ZNF707: variants seen among roughly 807,000 people sequenced by gnomAD.
The protein encoded by ZNF707 is zinc finger protein 707.
In ZNF707, 8 loss-of-function variants were observed where a neutral mutation model predicts 13.3. The ratio of observed to expected loss-of-function variants is 0.60; its 90% CI spans 0.35 to 1.09. The LOEUF is 1.09. Ranked by LOEUF, ZNF707 falls within the 50% of genes least tolerant of loss-of-function variation. The pLI is 0.02. For missense variants in ZNF707, 530 were observed against 512.6 expected (o/e 1.03, Z -0.33); for synonymous variants, 225 against 205.6 (o/e 1.09, Z -0.81).
In ZNF707 at chr8:143,694,173, C is replaced by G; in HGVS notation, c.759C>G (p.Val253=). ...LKDRLAQHRK[V]HTEHRPYSCG... is the part of the protein sequence containing the mutation. ...ACCGCCTGGCTCAGCACCGCAAGGT[C>G]CACACCGAGCACAGGCCCTACTCGT... is the stretch of plus-strand genomic sequence containing the variant. Residue 253 remains valine, a synonymous_variant, in exon 6 of 6, where the codon GTC becomes GTG. Transcript: ENST00000358656. This position sits in a 1 kb window ranked among gnomAD's most constrained non-coding sequence, Gnocchi z 4.4. 1 of 1,577,158 alleles carries G rather than the reference C, an allele frequency of 6.3e-7. No individual in the cohort carries two copies. The highest frequency in any genetic ancestry group is 8.6e-7 in the Non-Finnish European group (1 of 1,161,028).
chr8:143,690,118 G>A lies in ZNF707; in HGVS notation c.10G>A (p.Ala4Thr), dbSNP rs1554613115. 1 of 1,607,096 alleles carries A rather than the reference G, an allele frequency of 6.2e-7. No individual in the cohort carries two copies. Among genetic ancestry groups the A allele is most frequent in the Non-Finnish European group, 8.5e-7 (1 of 1,179,778 alleles). ...TGGCCTCGCTGTTCCCATGGACATG[G>A]CCCAGGTGAGCCCTGCTGCTGCCGA... MDM[A>T]QEPVTFRDVA... is the part of the protein sequence containing the mutation. The change falls in exon 3 of 6, where the codon GCC becomes ACC. Residue 4 changes from alanine (A) to threonine (T), a missense_variant. Coordinates refer to ENST00000358656, the MANE Select transcript of ZNF707 (RefSeq NM_001100598.2).
chr8:143,690,254 C>T lies in ZNF707; in HGVS notation c.15+131C>T, dbSNP rs1587385189. 3 of 1,248,436 alleles carry T rather than the reference C, an allele frequency of 2.4e-6. No individual in the cohort carries two copies. In the East Asian group the frequency reaches 7.3e-5, roughly 30 times the overall value. The allele number at this position is 1,248,436 out of a possible 1,614,324, so 77.3% of individuals were successfully genotyped here. On this transcript the variant is annotated intron_variant, in intron 3 of 5. Transcript: ENST00000358656. ...GTGCCCGTGTCTGCCTTTCTGCCTTCTCTCTTAAGGGGTGGGGAAAGAAAA... is the reference window on the plus strand; with the variant it reads ...GTGCCCGTGTCTGCCTTTCTGCCTTTTCTCTTAAGGGGTGGGGAAAGAAAA...
Position 143,691,138 on chromosome 8 carries a change from C to T in ZNF707, c.81C>T (p.Pro27=). 1.2e-6 allele frequency: 2 copies of T among 1,613,894 alleles called. No individual in the cohort carries two copies. Among genetic ancestry groups the T allele is most frequent in the Middle Eastern group, 1.6e-4 (1 of 6,062 alleles). ...FSREEWACLE[P]SQRALYRDVM... Reference sequence around the variant, plus strand: ...GGGAGGAGTGGGCGTGTCTGGAACCCAGCCAGAGGGCCCTCTACCGGGACG... The same window carrying T: ...GGGAGGAGTGGGCGTGTCTGGAACCTAGCCAGAGGGCCCTCTACCGGGACG... The change falls in exon 4 of 6, where the codon CCC becomes CCT. Residue 27 remains proline, a synonymous_variant. Coordinates refer to ENST00000358656, the MANE Select transcript of ZNF707 (RefSeq NM_001100598.2).
rs782061299 is a variant in ZNF707, at chr8:143,694,031, G to C, written c.617G>C (p.Cys206Ser). The change falls in exon 6 of 6, where the codon TGC becomes TCC. Residue 206 changes from cysteine to serine, a missense_variant. Transcript: ENST00000358656. This position sits in a 1 kb window ranked among gnomAD's most constrained non-coding sequence, Gnocchi z 4.4. ...CACACGGGAACCAAGGCCTTCGAGT[G>C]CCCCGAGTGCGGCCAGACCTTCCGG... ...TVHTGTKAFE[C>S]PECGQTFRWA... 1.9e-6 allele frequency: 3 copies of C among 1,606,110 alleles called. No individual in the cohort carries two copies. The highest frequency in any genetic ancestry group is 2.5e-6 in the Non-Finnish European group (3 of 1,177,484).
In ZNF707 at chr8:143,694,896, C is replaced by A; in HGVS notation, c.*366C>A. The A allele has an allele frequency of 4.3e-6, 1 of 232,538 alleles. No individual in the cohort carries two copies. Among genetic ancestry groups the A allele is most frequent in the Non-Finnish European group, 8.4e-6 (1 of 119,276 alleles). 14.4% of individuals were successfully genotyped at this position (232,538 alleles called of 1,614,324 possible). ...TCTGGCTCAGGGACTCCACCCTGGC[C>A]CCGAGTCGCCGTCTGCTGGGCCTTT... On this transcript the variant is annotated 3_prime_UTR_variant, in exon 6 of 6. Transcript: ENST00000358656. The surrounding 1 kb of genome is among the most constrained non-coding windows in gnomAD (Gnocchi z 4.4).
intron 3 of ZNF707, among the ~76,000 whole-genome samples, chr8:143,690,693 T>A (rs1162261733): frequency 6.6e-6 from 1 of 152,238 alleles, no homozygotes; most frequent in African/African-American, 2.4e-5. Flanking sequence ...GTGGGTGGTT[T>A]ACACACATGC....
In ZNF707 at chr8:143,694,242, C is replaced by G. The variant is rs1772658441; in HGVS notation, c.828C>G (p.Leu276=). 2 of 1,589,994 alleles carry G rather than the reference C, an allele frequency of 1.3e-6. No individual in the cohort carries two copies. The highest frequency in any genetic ancestry group is 1.7e-5 in the Admixed American group (1 of 57,752). ...CCTTCAAGCAGAAGTCCAACCTTCT[C>G]AGACACCAGCTGGTGCACACCGGGG... ...GKAFKQKSNL[L]RHQLVHTGER... Residue 276 remains leucine (L), a synonymous_variant, in exon 6 of 6, where the codon CTC becomes CTG. Transcript: ENST00000358656. This position sits in a 1 kb window ranked among gnomAD's most constrained non-coding sequence, Gnocchi z 4.4.
At position 143,693,038 on chromosome 8, in the gene ZNF707, T is replaced by C. The variant is rs1816977937; in HGVS notation, c.257-633T>C. Among the ~76,000 whole-genome samples, 1 of 152,030 alleles carries C rather than the reference T, an allele frequency of 6.6e-6. No individual in the cohort carries two copies. Among genetic ancestry groups the C allele is most frequent in the Admixed American group, 6.5e-5 (1 of 15,274 alleles). Reference sequence around the variant, plus strand: ...TGGCGTGGACAGGGTGAAAGGACATTCTCTTGGCCCAGTTGCTTCTGTTGG... The same window carrying C: ...TGGCGTGGACAGGGTGAAAGGACATCCTCTTGGCCCAGTTGCTTCTGTTGG... On this transcript the variant is annotated intron_variant, in intron 5 of 5. Coordinates refer to ENST00000358656, the MANE Select transcript of ZNF707 (RefSeq NM_001100598.2). The surrounding 1 kb of genome is among the most constrained non-coding windows in gnomAD (Gnocchi z 4.1).
chr8:143,691,464 C>G, intron 4 of ZNF707, 136 bp from the exon 5 acceptor site: 2 of 1,090,296 alleles, frequency 1.8e-6, no homozygotes, highest in Admixed American at 5.5e-5. Flanking sequence ...CCTGTCATCT[C>G]TGCTTTGGGG....
rs369906843 is a variant in ZNF707, at chr8:143,694,508, C to T, written c.1094C>T (p.Thr365Ile). The change falls in exon 6 of 6, where the codon ACT becomes ATT. Residue 365 changes from threonine (T) to isoleucine (I), a missense_variant. Physicochemically the swap from Thr to Ile is moderately conservative, Grantham distance 89. Transcript: ENST00000358656. This position sits in a 1 kb window ranked among gnomAD's most constrained non-coding sequence, Gnocchi z 4.4. ...HLGFFTRHQR[T>I]HRHGEV ...GGGTTCTTCACGCGGCATCAGAGGACTCACAGGCACGGGGAGGTGTAGGGG... is the reference window on the plus strand; with the variant it reads ...GGGTTCTTCACGCGGCATCAGAGGATTCACAGGCACGGGGAGGTGTAGGGG... The T allele has an allele frequency of 4.4e-6, 7 of 1,604,610 alleles. No homozygotes were observed. In the African/African-American group the frequency reaches 8.0e-5, roughly 18 times the overall value.
intron 1 of ZNF707, chr8:143,687,562 C>G (rs1816403891): frequency 6.6e-6 from 1 of 152,184 alleles, no homozygotes; most frequent in Non-Finnish European, 1.5e-5. Flanking sequence ...TCTCAAACTC[C>G]CCACCTCAGG....
intron 5 of ZNF707, among the ~76,000 whole-genome samples, chr8:143,692,680 C>G (rs1298688637): frequency 2.0e-5 from 1 of 49,620 alleles, no homozygotes; most frequent in Non-Finnish European, 3.9e-5. Flanking sequence ...GGAGGTGTCG[C>G]ATCCCCGGGT....
chr8:143,690,296 G>C lies in ZNF707; in HGVS notation c.15+173G>C, dbSNP rs572140415. The C allele has an allele frequency of 1.9e-5, 14 of 755,948 alleles. No homozygotes were observed. In the East Asian group the frequency reaches 3.9e-4, roughly 21 times the overall value. 46.8% of individuals were successfully genotyped at this position (755,948 alleles called of 1,614,324 possible). ...GAAAGAAAAAGAAAATTGGGGCCAG[G>C]CGCAATGCCTCACGCCTGTAATCCT... On this transcript the variant is annotated intron_variant, in intron 3 of 5. Transcript: ENST00000358656.
rs1434848996 is a variant in ZNF707, at chr8:143,689,566, G to A, written c.-53+265G>A. Among the ~76,000 whole-genome samples, 4 of 152,178 alleles carry A rather than the reference G, an allele frequency of 2.6e-5. No homozygotes were observed. In the East Asian group the frequency reaches 7.7e-4, roughly 29 times the overall value. Reference sequence around the variant, plus strand: ...CAGTGAACATTATTGGGGTTTCTCGGGGCTGCACCAGGTTTTCACTTGGGG... The same window carrying A: ...CAGTGAACATTATTGGGGTTTCTCGAGGCTGCACCAGGTTTTCACTTGGGG... On this transcript the variant is annotated intron_variant, in intron 2 of 5. Coordinates refer to ENST00000358656, the MANE Select transcript of ZNF707 (RefSeq NM_001100598.2).
chr8:143,688,292 G>A (rs555557384), intron 1 of ZNF707, among the ~76,000 whole-genome samples: 126 of 152,302 alleles, frequency 8.3e-4, no homozygotes, highest in African/African-American at 2.4e-3. Flanking sequence ...AAGTTGAAAA[G>A]CATATTCATG....
chr8:143,690,073 A>G lies in ZNF707; in HGVS notation c.-36A>G. ...TCTCCCCAGATCTGCCCTCCTTGGC[A>G]CTGTGCTTCCCCAGAGGGGTGGCCT... On this transcript the variant is annotated 5_prime_UTR_variant, in exon 3 of 6. Coordinates refer to ENST00000358656, the MANE Select transcript of ZNF707 (RefSeq NM_001100598.2). 4 of 1,609,214 alleles carry G rather than the reference A, an allele frequency of 2.5e-6. No individual in the cohort carries two copies. Among genetic ancestry groups the G allele is most frequent in the South Asian group, 2.2e-5 (2 of 91,066 alleles).
rs782327755 is a variant in ZNF707, at chr8:143,691,659, G to A, written c.202G>A (p.Val68Ile). Residue 68 changes from valine (V) to isoleucine (I), a missense_variant, in exon 5 of 6, where the codon GTT becomes ATT. By Grantham distance (29) the Val-to-Ile change is conservative. Coordinates refer to ENST00000358656, the MANE Select transcript of ZNF707 (RefSeq NM_001100598.2). ...CCTGGAACAGTGGGAGGAGCCGTGG[G>A]TTGAAGACCGGGAGAGACCTGAGTT... ...SRLEQWEEPWVEDRERPEFQA... is the reference protein window; with the variant it reads ...SRLEQWEEPWIEDRERPEFQA... 7 of 1,608,544 alleles carry A rather than the reference G, an allele frequency of 4.4e-6. No homozygotes were observed. In the South Asian group the frequency reaches 5.6e-5, roughly 13 times the overall value.
At chr8:143,685,659 G>A (rs541749678) in intron 1 of ZNF707, among the ~76,000 whole-genome samples, 11 of 152,160 alleles carry the variant, frequency 7.2e-5, no homozygotes, top group African/African-American at 2.4e-4. Context: ...TGGCAACATA[G>A]TGAGACCCCG....
intron 1 of ZNF707, among the ~76,000 whole-genome samples, chr8:143,686,686 A>G (rs1316070495): frequency 4.6e-5 from 7 of 152,074 alleles, no homozygotes; most frequent in African/African-American, 1.4e-4. Context: ...AATTTAAACA[A>G]TAGAGACAGA....
Sources: gnomAD v4.1 joint callset for allele counts (sites outside exome capture counted in the v4.1 genomes callset) on GRCh38, gnomAD v4.1.1 for gene constraint, Gnocchi (gnomAD v3.1) non-coding constraint, MANE v1.5 for transcripts, NCBI Gene and HGNC (gene_info 2026-07-23, HGNC 2026-07-21) for gene names.